VAPB: variants seen among roughly 807,000 people sequenced by gnomAD.
The protein encoded by VAPB is VAMP associated protein B and C.
A neutral mutation model predicts 25.6 loss-of-function variants in VAPB; 7 were observed. That is an observed-to-expected ratio of 0.27 (90% confidence interval 0.16 to 0.51). VAPB has a LOEUF of 0.51. Among genes scored for constraint, VAPB ranks in the 20% least tolerant of loss-of-function variants. The pLI, the probability that VAPB is intolerant of heterozygous loss-of-function variation, is 0.97. For synonymous variants in VAPB, 112 were observed against 109.2 expected (o/e 1.03, Z -0.16); for missense variants, 266 against 301.3 (o/e 0.88, Z 0.87).
rs529602329 is a variant in VAPB at position 58,391,136 on chromosome 20, A to G, written c.58+1619A>G. ...TTGAGTTGTCTGAAGTTCTTTCTCTATCTGGGAGGCCTGGCTTGGCTTCTC... is the reference window on the plus strand; with the variant it reads ...TTGAGTTGTCTGAAGTTCTTTCTCTGTCTGGGAGGCCTGGCTTGGCTTCTC... On this transcript the variant is annotated intron_variant, in intron 1 of 5. Coordinates refer to ENST00000475243, the MANE Select transcript of VAPB (RefSeq NM_004738.5). Among the ~76,000 whole-genome samples the G allele has an allele frequency of 3.9e-5, 6 of 152,318 alleles. No individual in the cohort carries two copies. The East Asian group carries it at 9.6e-4, about 24-fold the overall frequency.
rs192069251 is a variant in VAPB at position 58,443,995 on chromosome 20, C to G, written c.574-82C>G. ...CATGTCATCCAACACTGGGCATAAA[C>G]AGCCCATCCCGTTAAGCTGTACAGT... On this transcript the variant is annotated intron_variant, in intron 5 of 5. Coordinates refer to ENST00000475243, the MANE Select transcript of VAPB (RefSeq NM_004738.5). 64 of 1,594,572 alleles carry G rather than the reference C, an allele frequency of 4.0e-5. 1 individual carries two copies. The Admixed American group carries it at 8.0e-4, about 20-fold the overall frequency.
chr20:58,401,191 G>A (rs543902101), intron 1 of VAPB, among the ~76,000 whole-genome samples: 38 of 152,238 alleles, frequency 2.5e-4, no homozygotes, highest in African/African-American at 8.9e-4. Context: ...CTCTTCCAAA[G>A]CAAGATTGTT....
At chr20:58,414,643 C>G (rs1209140375) in intron 1 of VAPB, among the ~76,000 whole-genome samples, 1 of 150,984 alleles carries the variant, frequency 6.6e-6, no homozygotes, top group Non-Finnish European at 1.5e-5. Context: ...CGGGCAGAGA[C>G]GCTCCTCACT....
At chr20:58,393,147 C>T (rs2123013287) in intron 1 of VAPB, among the ~76,000 whole-genome samples, 1 of 152,294 alleles carries the variant, frequency 6.6e-6, no homozygotes, top group Non-Finnish European at 1.5e-5. Context: ...GATCCTCCTG[C>T]TTTAGGTTCC....
chr20:58,437,432 G>A (rs947002998), intron 3 of VAPB, among the ~76,000 whole-genome samples: 9 of 152,158 alleles, frequency 5.9e-5, no homozygotes, highest in South Asian at 4.1e-4. Context: ...TTCCGCTGTT[G>A]GTGATGCTGT....
At chr20:58,389,554 C>T (rs1987732907) in intron 1 of VAPB, 37 bp downstream of exon 1, 2 of 1,550,986 alleles carry the variant, frequency 1.3e-6, no homozygotes, top group Non-Finnish European at 1.7e-6. Flanking sequence ...TGCCCGCGGC[C>T]TCCGCCCCAG....
intron 2 of VAPB, 131 bp from the exon 3 acceptor site, chr20:58,434,471 C>A: frequency 1.5e-6 from 1 of 680,698 alleles, no homozygotes; most frequent in Non-Finnish European, 2.7e-6. Flanking sequence ...GCTTACTTCA[C>A]CAGGGGCGTC....
intron 1 of VAPB, among the ~76,000 whole-genome samples, chr20:58,414,724 G>A (rs572465050): frequency 3.3e-5 from 5 of 151,746 alleles, no homozygotes; most frequent in Admixed American, 2.6e-4. Context: ...GGTCGGAGAC[G>A]CTCCTCACCT....
Position 58,389,239 on chromosome 20 carries a change from A to T in VAPB, c.-221A>T, listed in dbSNP as rs1224479084. The T allele has an allele frequency of 1.5e-6, 1 of 648,098 alleles. No homozygotes were observed. The highest frequency in any genetic ancestry group is 1.9e-5 in the African/African-American group (1 of 52,892). 40.1% of individuals were successfully genotyped at this position (648,098 alleles called of 1,614,324 possible). A position where few individuals can be genotyped will look rare whatever the true frequency, so the allele number is the denominator to read the frequency against. ...CGTGCGTGCGTGCGTGCGTGCCGTC[A>T]GCTCGCCGGGCACCGCGGCCTCGCC... On this transcript the variant is annotated 5_prime_UTR_variant, in exon 1 of 6. Transcript: ENST00000475243.
chr20:58,425,434 GAA>G (rs1457577824), intron 2 of VAPB, among the ~76,000 whole-genome samples: 2 of 152,230 alleles, frequency 1.3e-5, no homozygotes, highest in Non-Finnish European at 1.5e-5. Flanking sequence ...TGTTGGAAGA[GAA>G]GAAGGTGCAA....
chr20:58,449,716 C>T lies in VAPB; in HGVS notation c.*5481C>T, dbSNP rs1319884709. The T allele has an allele frequency of 6.6e-6, 3 of 453,922 alleles. No individual in the cohort carries two copies. The highest frequency in any genetic ancestry group is 2.4e-5 in the Admixed American group (1 of 42,550). The allele number at this position is 453,922 out of a possible 1,614,324, so 28.1% of individuals were successfully genotyped here. On this transcript the variant is annotated 3_prime_UTR_variant, in exon 6 of 6. Transcript: ENST00000475243. ...GAAACATTGATCCTGTAACAATGCC[C>T]GATTACAATTGCTTTATTACACCCC...
chr20:58,429,288 A>C (rs374701063), intron 2 of VAPB, among the ~76,000 whole-genome samples: 13 of 152,214 alleles, frequency 8.5e-5, no homozygotes, highest in African/African-American at 3.1e-4. Context: ...TCACCAATGC[A>C]TGTAGGCATC....
chr20:58,424,247 A>G (rs1206114222), intron 2 of VAPB, among the ~76,000 whole-genome samples: 1 of 152,034 alleles, frequency 6.6e-6, no homozygotes, highest in African/African-American at 2.4e-5. Context: ...TGTCTTGTTT[A>G]TTCTTACCTT....
chr20:58,403,337 C>CT (rs1988145256), intron 1 of VAPB, among the ~76,000 whole-genome samples: 2 of 152,202 alleles, frequency 1.3e-5, no homozygotes, highest in Admixed American at 1.3e-4. Context: ...TTCTCTTGTA[C>CT]TTGATTCCTT....
chr20:58,389,752 C>T (rs907017875), intron 1 of VAPB, among the ~76,000 whole-genome samples: 1 of 152,190 alleles, frequency 6.6e-6, no homozygotes, highest in Non-Finnish European at 1.5e-5. Flanking sequence ...CTCCCCGACC[C>T]CCAGCCTCCT....
chr20:58,407,771 C>T (rs1988268748), intron 1 of VAPB, among the ~76,000 whole-genome samples: 1 of 151,648 alleles, frequency 6.6e-6, no homozygotes, highest in Non-Finnish European at 1.5e-5. Context: ...GTTTTTGAGA[C>T]CTATCAACTG....
At position 58,450,649 on chromosome 20, in the gene VAPB, T is replaced by G; in HGVS notation, c.*6414T>G. 4.4e-6 allele frequency: 2 copies of G among 454,154 alleles called. No individual in the cohort carries two copies. Among genetic ancestry groups the G allele is most frequent in the Non-Finnish European group, 8.8e-6 (2 of 226,794 alleles). 28.1% of individuals were successfully genotyped at this position (454,154 alleles called of 1,614,324 possible). A position where few individuals can be genotyped will look rare whatever the true frequency, so the allele number is the denominator to read the frequency against. On this transcript the variant is annotated 3_prime_UTR_variant, in exon 6 of 6. Transcript: ENST00000475243. ...AACCCATGCTGTTCTCTCCCTATTC[T>G]ACGTCTTTCTCCCTATGTTGAAAAA...
At position 58,448,989 on chromosome 20, in the gene VAPB, C is replaced by T; in HGVS notation, c.*4754C>T. ...AAATTGGTATTACAGAAGGGCCCTG[C>T]TGAGGTTTGAAAACAGCTGAGCTGC... On this transcript the variant is annotated 3_prime_UTR_variant, in exon 6 of 6. Coordinates refer to ENST00000475243, the MANE Select transcript of VAPB (RefSeq NM_004738.5). 2.2e-6 allele frequency: 1 copy of T among 454,094 alleles called. No homozygotes were observed. Among genetic ancestry groups the T allele is most frequent in the Non-Finnish European group, 4.4e-6 (1 of 226,796 alleles). The allele number at this position is 454,094 out of a possible 1,614,324, so 28.1% of individuals were successfully genotyped here. A position where few individuals can be genotyped will look rare whatever the true frequency, so the allele number is the denominator to read the frequency against.
intron 2 of VAPB, among the ~76,000 whole-genome samples, chr20:58,419,809 C>T (rs1988631201): frequency 6.6e-6 from 1 of 152,066 alleles, no homozygotes; most frequent in South Asian, 2.1e-4. Flanking sequence ...GATTTCCATG[C>T]CTGTATCAAA....
Sources: allele counts gnomAD v4.1 joint callset (sites outside exome capture counted in the v4.1 genomes callset), GRCh38; gene constraint gnomAD v4.1.1; transcripts MANE v1.5; gene names NCBI Gene and HGNC (gene_info 2026-07-23, HGNC 2026-07-21).